PDS5B: variants seen among roughly 807,000 people sequenced by gnomAD.
PDS5B encodes the protein PDS5 cohesin associated factor B.
A neutral mutation model predicts 184.1 loss-of-function variants in PDS5B; 51 were observed. The observed-to-expected ratio is 0.28, with a 90% CI of 0.22 to 0.35. The LOEUF (loss-of-function observed/expected upper bound fraction) is 0.35. PDS5B is among the 10% of genes least tolerant of loss of function. The pLI, the probability that PDS5B is intolerant of heterozygous loss-of-function variation, is 1.00. For missense variants in PDS5B, 1,180 were observed against 1,723.3 expected, an observed-to-expected ratio of 0.68 and a Z score of 5.58; for synonymous variants, 566 against 569.2, an observed-to-expected ratio of 0.99 and a Z score of 0.08.
chr13:32,613,101 A>G (rs865886353), intron 1 of PDS5B, among the ~76,000 whole-genome samples: 3 of 152,168 alleles, frequency 2.0e-5, no homozygotes, highest in African/African-American at 4.8e-5. Context: ...TTATTACCAA[A>G]TATTTCATTT....
rs772216651 is a variant in PDS5B at position 32,652,144 on chromosome 13, TG to T, written c.312+138del. 9.3e-4 allele frequency: 563 copies of T among 605,646 alleles called. 2 individuals are homozygous for T. The highest frequency in any genetic ancestry group is 1.9e-3 in the Admixed American group (58 of 29,940). The allele number at this position is 605,646 out of a possible 1,614,324, so 37.5% of individuals were successfully genotyped here. ...TACAGTAATCTTTTGCTAAACTTAA[TG>T]TTTTTTTTTTTTTTTAGAACTTATT... On this transcript the variant is annotated intron_variant, in intron 3 of 34. Transcript: ENST00000315596.
At chr13:32,674,243 T>C (rs1342578588) in intron 8 of PDS5B, among the ~76,000 whole-genome samples, 1 of 152,212 alleles carries the variant, frequency 6.6e-6, no homozygotes, top group Non-Finnish European at 1.5e-5. Flanking sequence ...CTGGTTATAA[T>C]TATTAATCTT....
At chr13:32,751,418 CTTT>C (rs1278968320) in intron 24 of PDS5B, among the ~76,000 whole-genome samples, 1 of 152,198 alleles carries the variant, frequency 6.6e-6, no homozygotes, top group African/African-American at 2.4e-5. Flanking sequence ...GTTTTCAGTT[CTTT>C]GAGAAATCAC....
rs1170577101 is a variant in PDS5B at position 32,696,917 on chromosome 13, A to G, written c.1600+15A>G. The stretch of plus-strand genomic sequence containing the variant: ...GGTTATTACAAGTAAGTTATTTTAA[A>G]ATCTGTATAAAAATGTAATTTTTAT... On this transcript the variant is annotated intron_variant, in intron 15 of 34. Transcript: ENST00000315596. The G allele has an allele frequency of 2.1e-6, 3 of 1,433,486 alleles. No homozygotes were observed. The highest frequency in any genetic ancestry group is 2.9e-6 in the Non-Finnish European group (3 of 1,030,778). 88.8% of individuals were successfully genotyped at this position (1,433,486 alleles called of 1,614,324 possible).
At chr13:32,698,359 T>C (rs555061431) in intron 15 of PDS5B, among the ~76,000 whole-genome samples, 2 of 152,124 alleles carry the variant, frequency 1.3e-5, no homozygotes, top group Non-Finnish European at 2.9e-5. Context: ...TCCTGAACAC[T>C]GTTAAACTCC....
At chr13:32,688,774 T>C (rs931256649) in intron 13 of PDS5B, 1 of 471,974 alleles carries the variant, frequency 2.1e-6, no homozygotes, top group African/African-American at 1.9e-5. Flanking sequence ...AATTGAAAAA[T>C]AGAGCTGATT....
chr13:32,673,734 T>C (rs1350327830), intron 8 of PDS5B, among the ~76,000 whole-genome samples: 6 of 152,232 alleles, frequency 3.9e-5, no homozygotes, highest in African/African-American at 9.6e-5. Context: ...ATCCACATAG[T>C]GTGAAATGCT....
rs201804919 is a variant in PDS5B, at chr13:32,741,064, T to C, written c.2407-16T>C. 16,190 of 1,377,108 alleles carry C rather than the reference T, an allele frequency of 0.012. 778 individuals carry two copies. The African/African-American group carries it at 0.15, about 12-fold the overall frequency. 85.3% of individuals were successfully genotyped at this position (1,377,108 alleles called of 1,614,324 possible). A position where few individuals can be genotyped will look rare whatever the true frequency, so the allele number is the denominator to read the frequency against. On this transcript the variant is annotated splice_polypyrimidine_tract_variant and intron_variant, in intron 21 of 34. Transcript: ENST00000315596. ...TTAAAGTCCCTGGTTTTTTTTTTTT[T>C]CTCGTTTATTTTTAGCTTCCAGGGA...
intron 24 of PDS5B, among the ~76,000 whole-genome samples, chr13:32,749,247 C>T (rs1328653290): frequency 1.3e-5 from 2 of 152,102 alleles, no homozygotes; most frequent in East Asian, 3.8e-4. Flanking sequence ...CTCCCATTTC[C>T]ACACATCCAA....
chr13:32,650,805 C>T (rs1308023304), intron 2 of PDS5B, among the ~76,000 whole-genome samples: 2 of 152,134 alleles, frequency 1.3e-5, no homozygotes, highest in African/African-American at 2.4e-5. Context: ...CAGTAGAAAT[C>T]GAGCCATTTG....
At chr13:32,642,405 G>A (rs1950120297) in intron 1 of PDS5B, among the ~76,000 whole-genome samples, 2 of 152,154 alleles carry the variant, frequency 1.3e-5, no homozygotes, top group Admixed American at 6.5e-5. Context: ...TAGATACAAT[G>A]TGATAATTGC....
At chr13:32,598,221 C>T (rs888567932) in intron 1 of PDS5B, among the ~76,000 whole-genome samples, 5 of 151,742 alleles carry the variant, frequency 3.3e-5, no homozygotes, top group African/African-American at 1.2e-4. Context: ...TACAGGCACC[C>T]GCCACCACGC....
At chr13:32,622,825 G>C (rs550158198) in intron 1 of PDS5B, among the ~76,000 whole-genome samples, 1 of 152,270 alleles carries the variant, frequency 6.6e-6, no homozygotes, top group South Asian at 2.1e-4. Context: ...TGAGAATGTA[G>C]GTGCCTGTTA....
intron 1 of PDS5B, among the ~76,000 whole-genome samples, chr13:32,613,747 T>C (rs557341008): frequency 1.2e-4 from 18 of 152,344 alleles, no homozygotes; most frequent in African/African-American, 4.3e-4. Flanking sequence ...TAATCATGTC[T>C]GTTTAACCTG....
chr13:32,760,763 A>G, intron 30 of PDS5B, 43 bp downstream of exon 30: 1 of 1,572,446 alleles, frequency 6.4e-7, no homozygotes, highest in South Asian at 1.1e-5. Flanking sequence ...TAAGGATTCC[A>G]GCAAGGCTAT....
intron 1 of PDS5B, among the ~76,000 whole-genome samples, chr13:32,603,279 T>C (rs1316519190): frequency 3.3e-5 from 5 of 152,216 alleles, no homozygotes; most frequent in Non-Finnish European, 7.3e-5. Flanking sequence ...GTGTAAGGTG[T>C]AAGGAAGGGA....
intron 13 of PDS5B, among the ~76,000 whole-genome samples, chr13:32,692,692 C>T (rs1951589641): frequency 6.6e-6 from 1 of 151,906 alleles, no homozygotes; most frequent in South Asian, 2.1e-4. Flanking sequence ...AACAGAACTG[C>T]AATTCAGACT....
At chr13:32,649,784 C>G (rs1232918035) in intron 2 of PDS5B, 1 of 152,054 alleles carries the variant, frequency 6.6e-6, no homozygotes, top group Admixed American at 6.6e-5. Flanking sequence ...TGTCAGATAT[C>G]AGATGTTTAT....
chr13:32,590,117 A>C (rs1478048092), intron 1 of PDS5B, among the ~76,000 whole-genome samples: 2 of 152,238 alleles, frequency 1.3e-5, no homozygotes, highest in Non-Finnish European at 2.9e-5. Context: ...TGTTCTAATA[A>C]TTAGACATTA....
Sources: gnomAD v4.1 joint callset for allele counts (sites outside exome capture counted in the v4.1 genomes callset) on GRCh38, gnomAD v4.1.1 for gene constraint, MANE v1.5 for transcripts, NCBI Gene and HGNC (gene_info 2026-07-23, HGNC 2026-07-21) for gene names.